Variants in SPAG9 observed in about 807,000 individuals in gnomAD.
The protein encoded by SPAG9 is C-Jun-amino-terminal kinase-interacting protein 4.
In SPAG9, 35 loss-of-function variants were observed where a neutral mutation model predicts 166.5. The ratio of observed to expected loss-of-function variants is 0.21; its 90% confidence interval spans 0.16 to 0.28. The LOEUF is 0.28. Ranked by LOEUF, SPAG9 falls within the 10% of genes least tolerant of loss-of-function variation. SPAG9 has a pLI of 1.00. For missense variants in SPAG9, 1,235 were observed against 1,603.3 expected (o/e 0.77, Z 3.92); for synonymous variants, 534 against 565.5 (o/e 0.94, Z 0.79).
At chr17:51,016,554 T>C (rs572046918) in intron 8 of SPAG9, among the ~76,000 whole-genome samples, 11 of 152,134 alleles carry the variant, frequency 7.2e-5, no homozygotes, top group African/African-American at 2.2e-4. Flanking sequence ...CACAGAAACA[T>C]AAGGAAAAGA....
chr17:51,082,424 A>ATC (rs1225094901), intron 1 of SPAG9, among the ~76,000 whole-genome samples: 30 of 147,408 alleles, frequency 2.0e-4, no homozygotes, highest in Non-Finnish European at 4.0e-4. Flanking sequence ...CCTACTCCCT[A>ATC]TCTCTCCTCC....
At chr17:51,060,933 A>C (rs1468850353) in intron 2 of SPAG9, among the ~76,000 whole-genome samples, 1 of 145,342 alleles carries the variant, frequency 6.9e-6, no homozygotes, top group South Asian at 2.2e-4. Context: ...TGCAACCTCC[A>C]CCTCCCTGGT....
In SPAG9 at chr17:50,962,814, C is replaced by T. The variant is rs1310814213; in HGVS notation, c.*3458G>A. Reference sequence around the variant, plus strand: ...CGTCTCAAATGTAGGAAGACCTTTACAAGAAATGAACAATACAGTAACTGA... The same window carrying T: ...CGTCTCAAATGTAGGAAGACCTTTATAAGAAATGAACAATACAGTAACTGA... On this transcript the variant is annotated 3_prime_UTR_variant, in exon 30 of 30. Transcript: ENST00000262013. The T allele has an allele frequency of 6.6e-6, 1 of 152,212 alleles. No homozygotes were observed. The highest frequency in any genetic ancestry group is 1.5e-5 in the Non-Finnish European group (1 of 68,038). 9.4% of individuals were successfully genotyped at this position (152,212 alleles called of 1,614,324 possible). A position where few individuals can be genotyped will look rare whatever the true frequency, so the allele number is the denominator to read the frequency against.
chr17:51,047,169 ATAT>A (rs1265023085), intron 4 of SPAG9, among the ~76,000 whole-genome samples: 1 of 152,256 alleles, frequency 6.6e-6, no homozygotes, highest in Admixed American at 6.5e-5. Flanking sequence ...TGTGCTGCTT[ATAT>A]GGATGGCTCA....
chr17:50,980,002 G>T, intron 25 of SPAG9, 85 bp from the exon 26 acceptor site: 2 of 1,264,814 alleles, frequency 1.6e-6, no homozygotes, highest in South Asian at 1.3e-5. Context: ...CAAGTTAGCA[G>T]ACTATTAAAA....
chr17:51,014,097 C>T (rs1487036209), intron 9 of SPAG9, 135 bp downstream of exon 9: 2 of 643,616 alleles, frequency 3.1e-6, no homozygotes, highest in Non-Finnish European at 4.7e-6. Flanking sequence ...AGAATATGTT[C>T]CCAATAATTA....
At position 50,995,046 on chromosome 17, in the gene SPAG9, C is replaced by T. The variant is rs75770297; in HGVS notation, c.2226+11G>A. The T allele has an allele frequency of 5.0e-3, 7,994 of 1,604,530 alleles. 254 individuals carry two copies. The Admixed American group carries it at 0.08, about 16-fold the overall frequency. On this transcript the variant is annotated intron_variant, in intron 18 of 29. Transcript: ENST00000262013. ...TCATAAACCAGGTCAAATGTTAGTA[C>T]ACACACTTACCTTAAGTTCCTGATC... is the stretch of plus-strand genomic sequence containing the variant.
chr17:51,089,110 A>AAC (rs199664613), intron 1 of SPAG9, among the ~76,000 whole-genome samples: 7 of 148,458 alleles, frequency 4.7e-5, no homozygotes, highest in Non-Finnish European at 8.9e-5. Flanking sequence ...AACAAAACAA[A>AAC]ACACACACAC....
chr17:51,006,319 T>C (rs1222657873), intron 10 of SPAG9, 82 bp from the exon 11 acceptor site: 1 of 1,315,160 alleles, frequency 7.6e-7, no homozygotes, highest in Non-Finnish European at 1.1e-6. Context: ...GACTAAACTG[T>C]ACAACCATAG....
intron 3 of SPAG9, among the ~76,000 whole-genome samples, chr17:51,053,855 G>GTATA (rs1161592026): frequency 0.043 from 1,606 of 37,446 alleles, 91 homozygotes; most frequent in Middle Eastern, 0.062. Flanking sequence ...AAAAAAAAAA[G>GTATA]TATATATATA....
At chr17:51,007,577 G>A (rs1422778249) in intron 9 of SPAG9, among the ~76,000 whole-genome samples, 2 of 151,910 alleles carry the variant, frequency 1.3e-5, no homozygotes, top group Non-Finnish European at 2.9e-5. Flanking sequence ...GGCTTGCTAG[G>A]GAATGAGGCC....
intron 1 of SPAG9, among the ~76,000 whole-genome samples, chr17:51,107,243 G>C (rs970645995): frequency 2.0e-5 from 3 of 151,520 alleles, no homozygotes; most frequent in South Asian, 4.2e-4. Flanking sequence ...TTCCTGTCCA[G>C]CTCTTTAAAA....
intron 1 of SPAG9, among the ~76,000 whole-genome samples, chr17:51,091,840 T>C (rs560377416): frequency 1.3e-4 from 19 of 151,210 alleles, no homozygotes; most frequent in Admixed American, 9.2e-4. Flanking sequence ...CAGTGGACAA[T>C]ACAGACTTAT....
intron 24 of SPAG9, 92 bp from the exon 25 acceptor site, chr17:50,982,764 T>A: frequency 3.4e-6 from 4 of 1,189,710 alleles, no homozygotes; most frequent in Non-Finnish European, 4.7e-6. Flanking sequence ...TAATTAAATT[T>A]ATTGAGGAAG....
rs1006361879 is a variant in SPAG9 at position 51,032,953 on chromosome 17, C to A, written c.742-1231G>T. Among the ~76,000 whole-genome samples, 14 of 151,612 alleles carry A rather than the reference C, an allele frequency of 9.2e-5. No homozygotes were observed. In the East Asian group the frequency reaches 1.7e-3, roughly 19 times the overall value. ...CCATCTCAAAAAAAAATAAAAAATA[C>A]AAAATACACAGATTAACAAGGCATG... On this transcript the variant is annotated intron_variant, in intron 5 of 29. Coordinates refer to ENST00000262013, the MANE Select transcript of SPAG9 (RefSeq NM_001130528.3).
At chr17:51,039,319 G>T (rs1221738180) in intron 5 of SPAG9, among the ~76,000 whole-genome samples, 1 of 152,126 alleles carries the variant, frequency 6.6e-6, no homozygotes, top group African/African-American at 2.4e-5. Flanking sequence ...CATACCTGTG[G>T]CATAGCCCAC....
At chr17:51,083,517 G>A (rs186517660) in intron 1 of SPAG9, among the ~76,000 whole-genome samples, 10 of 151,264 alleles carry the variant, frequency 6.6e-5, no homozygotes, top group East Asian at 5.8e-4. Flanking sequence ...AATTACAAGC[G>A]TGAGCCACCA....
chr17:51,119,743 C>T (rs77839552), intron 1 of SPAG9, among the ~76,000 whole-genome samples: 3,701 of 152,162 alleles, frequency 0.024, 132 homozygotes, highest in African/African-American at 0.074. Context: ...GGGATACCAA[C>T]GAAATTGTTT....
rs1973238484 is a variant in SPAG9 at position 50,964,087 on chromosome 17, A to G, written c.*2185T>C. On this transcript the variant is annotated 3_prime_UTR_variant, in exon 30 of 30. Transcript: ENST00000262013. The stretch of plus-strand genomic sequence containing the variant: ...TCCCATGTACTTCACAATCTAGCCT[A>G]ATCGTGTATATGCATAAAAGCCACT... 2 of 152,192 alleles carry G rather than the reference A, an allele frequency of 1.3e-5. No individual in the cohort carries two copies. Among genetic ancestry groups the G allele is most frequent in the African/African-American group, 4.8e-5 (2 of 41,444 alleles). The allele number at this position is 152,192 out of a possible 1,614,324, so 9.4% of individuals were successfully genotyped here. A position where few individuals can be genotyped will look rare whatever the true frequency, so the allele number is the denominator to read the frequency against.
Sources: allele counts gnomAD v4.1 joint callset (sites outside exome capture counted in the v4.1 genomes callset), GRCh38; gene constraint gnomAD v4.1.1; transcripts MANE v1.5; gene names NCBI Gene and HGNC (gene_info 2026-07-23, HGNC 2026-07-21).